RANGAP1: variants seen among roughly 807,000 people sequenced by gnomAD.
The protein encoded by RANGAP1 is Ran GTPase activating protein 1.
In RANGAP1, 38 loss-of-function variants were observed where a neutral mutation model predicts 63.5. That is an observed-to-expected ratio of 0.60 (90% CI 0.46 to 0.78). The LOEUF (loss-of-function observed/expected upper bound fraction) is 0.78. Ranked by LOEUF, RANGAP1 falls within the 30% of genes least tolerant of loss-of-function variation. The pLI, the probability that RANGAP1 is intolerant of heterozygous loss-of-function variation, is 0.00. For missense variants in RANGAP1, 630 were observed against 740.3 expected, an observed-to-expected ratio of 0.85 and a Z score of 1.73; for synonymous variants, 329 against 310.5, an observed-to-expected ratio of 1.06 and a Z score of -0.63.
At chr22:41,299,852 C>T in the RANGAP1 span, among the ~76,000 whole-genome samples, 13 of 151,904 alleles carry the variant, frequency 8.6e-5, no homozygotes, top group African/African-American at 2.4e-4. Context: ...CCCGGATTCA[C>T]GCCATTCTCC....
At chr22:41,285,762 G>A (rs776737392) in intron 1 of RANGAP1, 8 of 914,556 alleles carry the variant, frequency 8.7e-6, no homozygotes, top group Non-Finnish European at 1.0e-5. Context: ...AGCTGCTCTG[G>A]CGAGTCAGAC....
chr22:41,259,898 C>T (rs1021842973), intron 6 of RANGAP1, among the ~76,000 whole-genome samples: 2 of 152,050 alleles, frequency 1.3e-5, no homozygotes, highest in African/African-American at 2.4e-5. Context: ...CCCAGCTAAT[C>T]GGGAGGCTGA....
At chr22:41,281,720 G>A in intron 1 of RANGAP1, 1 of 851,368 alleles carries the variant, frequency 1.2e-6, no homozygotes, top group Non-Finnish European at 1.4e-6. Flanking sequence ...ATAGGACAGG[G>A]ACAGGGCTGC....
chr22:41,256,602 C>T, intron 8 of RANGAP1, 109 bp downstream of exon 8: 2 of 913,568 alleles, frequency 2.2e-6, no homozygotes, highest in Non-Finnish European at 1.7e-6. Context: ...AGTGGAGGAG[C>T]TGGGATATGG....
At position 41,244,908 on chromosome 22, in the gene RANGAP1, C is replaced by T. The variant is rs932807839; in HGVS notation, c.*1695G>A. On this transcript the variant is annotated 3_prime_UTR_variant, in exon 16 of 16. Coordinates refer to ENST00000356244, the MANE Select transcript of RANGAP1 (RefSeq NM_002883.4). ...AGAGAATCTGTTTGCAGCCTCACTCCCTATTCCACCCTTCCCCTAGCCCTG... is the reference window on the plus strand; with the variant it reads ...AGAGAATCTGTTTGCAGCCTCACTCTCTATTCCACCCTTCCCCTAGCCCTG... Among the ~76,000 whole-genome samples, 2 of 152,162 alleles carry T rather than the reference C, an allele frequency of 1.3e-5. No individual in the cohort carries two copies. The highest frequency in any genetic ancestry group is 4.8e-5 in the African/African-American group (2 of 41,420).
At chr22:41,265,436 C>A (rs2034409882) in intron 4 of RANGAP1, among the ~76,000 whole-genome samples, 1 of 152,178 alleles carries the variant, frequency 6.6e-6, no homozygotes, top group African/African-American at 2.4e-5. Context: ...GCGACACTGG[C>A]AACAGAGGGG....
At chr22:41,255,419 C>T (rs1342068605) in intron 10 of RANGAP1, among the ~76,000 whole-genome samples, 1 of 152,112 alleles carries the variant, frequency 6.6e-6, no homozygotes, top group Non-Finnish European at 1.5e-5. Flanking sequence ...ATGGCCACTC[C>T]CCGGCCACCC....
intron 1 of RANGAP1, chr22:41,281,783 G>C: frequency 2.9e-6 from 1 of 348,336 alleles, no homozygotes; most frequent in Non-Finnish European, 4.0e-6. Context: ...GGGTAGAAAT[G>C]GGGTTGATAA....
upstream of RANGAP1, among the ~76,000 whole-genome samples, chr22:41,291,025 C>T (rs2035832683): frequency 6.6e-6 from 1 of 152,236 alleles, no homozygotes; most frequent in African/African-American, 2.4e-5. Flanking sequence ...CTATGAAGGA[C>T]AGTCGAACCA....
upstream of RANGAP1, among the ~76,000 whole-genome samples, chr22:41,288,988 T>A (rs1426677524): frequency 1.4e-5 from 2 of 146,328 alleles, no homozygotes; most frequent in African/African-American, 5.1e-5. Flanking sequence ...AGTGGTGCGA[T>A]CTCAGCTCAC....
chr22:41,297,095 A>T, the RANGAP1 span, among the ~76,000 whole-genome samples: 3 of 152,170 alleles, frequency 2.0e-5, no homozygotes, highest in Non-Finnish European at 4.4e-5. Flanking sequence ...CTGTAGCCCC[A>T]GCTACTTGGA....
chr22:41,299,267 G>A, the RANGAP1 span, among the ~76,000 whole-genome samples: 1 of 151,948 alleles, frequency 6.6e-6, no homozygotes, highest in African/African-American at 2.4e-5. Flanking sequence ...CGAGTAGCTG[G>A]GACTACAGGC....
At chr22:41,247,195 A>G (rs921683959) in intron 15 of RANGAP1, among the ~76,000 whole-genome samples, 1 of 152,006 alleles carries the variant, frequency 6.6e-6, no homozygotes, top group Non-Finnish European at 1.5e-5. Context: ...AGCTGGGACT[A>G]CAGACGCCCA....
chr22:41,264,700 C>T lies in RANGAP1; in HGVS notation c.444G>A (p.Lys148=). 1 of 1,613,642 alleles carries T rather than the reference C, an allele frequency of 6.2e-7. No homozygotes were observed. Among genetic ancestry groups the T allele is most frequent in the Non-Finnish European group, 8.5e-7 (1 of 1,179,552 alleles). ...CAATGCCCATGCCACAGTTGTTGAG[C>T]TTGAGTTCCTGCAGGGTGAAGCAGG... The part of the protein sequence containing the change: ...SSACFTLQEL[K]LNNCGMGIGG... Residue 148 remains lysine (K), a synonymous_variant, in exon 5 of 16, where the codon AAG becomes AAA. Coordinates refer to ENST00000356244, the MANE Select transcript of RANGAP1 (RefSeq NM_002883.4).
intron 5 of RANGAP1, among the ~76,000 whole-genome samples, chr22:41,262,379 G>C (rs1008098188): frequency 6.6e-6 from 1 of 152,176 alleles, no homozygotes; most frequent in Non-Finnish European, 1.5e-5. Flanking sequence ...CCTGATGTTT[G>C]CAGAGCACCT....
At chr22:41,286,650 T>C (rs2035760830), upstream of RANGAP1, among the ~76,000 whole-genome samples, 2 of 152,214 alleles carry the variant, frequency 1.3e-5, no homozygotes, top group Non-Finnish European at 2.9e-5. Flanking sequence ...TGAAAGGGCA[T>C]TCGAAGGCTT....
chr22:41,269,205 C>T (rs1461455938), intron 3 of RANGAP1, among the ~76,000 whole-genome samples: 1 of 152,002 alleles, frequency 6.6e-6, no homozygotes, highest in African/African-American at 2.4e-5. Context: ...TTAGCCTCCA[C>T]AGTACCTGCT....
chr22:41,263,794 A>G (rs970131961), intron 5 of RANGAP1, among the ~76,000 whole-genome samples: 1 of 152,232 alleles, frequency 6.6e-6, no homozygotes, highest in African/African-American at 2.4e-5. Flanking sequence ...CCCTCACGTC[A>G]GGCCGAGGGA....
Position 41,246,411 on chromosome 22 carries a change from C to A in RANGAP1, c.*192G>T. The A allele has an allele frequency of 1.7e-6, 1 of 588,010 alleles. No homozygotes were observed. The highest frequency in any genetic ancestry group is 3.0e-6 in the Non-Finnish European group (1 of 337,190). The allele number at this position is 588,010 out of a possible 1,614,324, so 36.4% of individuals were successfully genotyped here. A position where few individuals can be genotyped will look rare whatever the true frequency, so the allele number is the denominator to read the frequency against. On this transcript the variant is annotated 3_prime_UTR_variant, in exon 16 of 16. Transcript: ENST00000356244. Reference sequence around the variant, plus strand: ...GAAGACGTTAAAACCCAAATCCCGACAGGAGGCACAGACCTGCACATGCGC... The same window carrying A: ...GAAGACGTTAAAACCCAAATCCCGAAAGGAGGCACAGACCTGCACATGCGC...
Sources: gnomAD v4.1 joint callset for allele counts (sites outside exome capture counted in the v4.1 genomes callset) on GRCh38, gnomAD v4.1.1 for gene constraint, MANE v1.5 for transcripts, NCBI Gene and HGNC (gene_info 2026-07-23, HGNC 2026-07-21) for gene names.